The following KANSL1L variants were observed in gnomAD, a reference collection of about 807,000 sequenced individuals.
The protein encoded by KANSL1L is KAT8 regulatory NSL complex subunit 1-like protein.
A neutral mutation model predicts 108.6 loss-of-function variants in KANSL1L; 25 were observed. The observed-to-expected ratio is 0.23, with a 90% CI of 0.17 to 0.32. The LOEUF is 0.32. Among genes scored for constraint, KANSL1L ranks in the 10% least tolerant of loss-of-function variants. KANSL1L has a pLI of 1.00. For synonymous variants in KANSL1L, 405 were observed against 395.1 expected, an observed-to-expected ratio of 1.03 and a Z score of -0.30; for missense variants, 1,137 against 1,125.7, an observed-to-expected ratio of 1.01 and a Z score of -0.14.
chr2:210,149,207 T>C (rs142424089), intron 2 of KANSL1L, among the ~76,000 whole-genome samples: 356 of 152,264 alleles, frequency 2.3e-3, no homozygotes, highest in African/African-American at 8.0e-3. Context: ...CTAGCCTCAA[T>C]GTTTATGTCT....
intron 14 of KANSL1L, 40 bp from the exon 15 acceptor site, chr2:210,023,219 T>A: frequency 7.0e-7 from 1 of 1,437,836 alleles, no homozygotes; most frequent in Non-Finnish European, 9.8e-7. Flanking sequence ...TCAACTAACT[T>A]GTTTTGTTTA....
At chr2:210,132,220 G>A (rs1007402172) in intron 2 of KANSL1L, among the ~76,000 whole-genome samples, 1 of 152,144 alleles carries the variant, frequency 6.6e-6, no homozygotes, top group Non-Finnish European at 1.5e-5. Context: ...AACATTTTAT[G>A]TAAACAACTT....
chr2:210,036,687 A>T (rs1406574281), intron 8 of KANSL1L, among the ~76,000 whole-genome samples: 1 of 152,226 alleles, frequency 6.6e-6, no homozygotes, highest in Admixed American at 6.5e-5. Context: ...TAAGACAGAT[A>T]TATAGGATGA....
chr2:210,138,357 A>G (rs1293521970), intron 2 of KANSL1L, among the ~76,000 whole-genome samples: 1 of 152,070 alleles, frequency 6.6e-6, no homozygotes, highest in African/African-American at 2.4e-5. Context: ...AAAGCTAACT[A>G]TTGTATATTA....
intron 2 of KANSL1L, among the ~76,000 whole-genome samples, chr2:210,143,194 C>G (rs1559598030): frequency 6.6e-6 from 1 of 151,894 alleles, no homozygotes; most frequent in Non-Finnish European, 1.5e-5. Flanking sequence ...TATATACTTA[C>G]CTTTTTGTCT....
chr2:210,039,625 C>G (rs2094143308), intron 8 of KANSL1L, among the ~76,000 whole-genome samples: 1 of 151,554 alleles, frequency 6.6e-6, no homozygotes, highest in Non-Finnish European at 1.5e-5. Context: ...ATGTTGTTTT[C>G]TTTCTTCTTC....
chr2:210,157,691 GAAAAAAAAAAAAAA>G (rs56676129), intron 1 of KANSL1L, among the ~76,000 whole-genome samples: 12,569 of 47,300 alleles, frequency 0.27, 770 homozygotes, highest in Middle Eastern at 0.4. Flanking sequence ...CACTGTCACA[GAAAAAAAAAAAAAA>G]AAAAAAAAAA....
rs567003182 is a variant in KANSL1L at position 210,154,203 on chromosome 2, G to A, written c.380C>T (p.Ser127Phe). 5.6e-6 allele frequency: 9 copies of A among 1,614,022 alleles called. No homozygotes were observed. The African/African-American group carries it at 1.1e-4, about 19-fold the overall frequency. The change falls in exon 2 of 15, where the codon TCT becomes TTT. Residue 127 changes from serine (S) to phenylalanine (F), a missense_variant. Physicochemically the swap from Ser to Phe is radical, Grantham distance 155. Around this residue, in one of 3 missense-constraint regions of KANSL1L, gnomAD observed 556 missense variants for 537.7 expected, o/e 1.03. Transcript: ENST00000281772. ...CTTTTTGATGAACTCTTCAGAATGA[G>A]AAAGACAGATTTTACTGAGCTGAAT... ...SNIQLSKICL[S>F]HSEEFIKKEP...
chr2:210,110,170 C>T (rs2094890440), intron 3 of KANSL1L, among the ~76,000 whole-genome samples: 1 of 152,162 alleles, frequency 6.6e-6, no homozygotes, highest in South Asian at 2.1e-4. Flanking sequence ...TTCTCCCGTT[C>T]CTCTTTCTCT....
At chr2:210,086,708 TAA>T (rs945994965) in intron 5 of KANSL1L, among the ~76,000 whole-genome samples, 6 of 152,016 alleles carry the variant, frequency 3.9e-5, no homozygotes, top group Non-Finnish European at 5.9e-5. Flanking sequence ...CTTAAATACT[TAA>T]GAGAATTATA....
At chr2:210,054,390 G>A (rs1437883403) in intron 6 of KANSL1L, among the ~76,000 whole-genome samples, 8 of 150,912 alleles carry the variant, frequency 5.3e-5, no homozygotes, top group Admixed American at 5.3e-4. Context: ...TGGCAAAAAA[G>A]CCCAAAATTT....
intron 5 of KANSL1L, among the ~76,000 whole-genome samples, chr2:210,084,577 A>T (rs1397188443): frequency 2.6e-5 from 4 of 152,216 alleles, no homozygotes; most frequent in Non-Finnish European, 5.9e-5. Flanking sequence ...AAAAGATGGC[A>T]AGAAAATATA....
intron 1 of KANSL1L, among the ~76,000 whole-genome samples, chr2:210,156,469 C>T (rs919620281): frequency 6.6e-6 from 1 of 151,886 alleles, no homozygotes; most frequent in Non-Finnish European, 1.5e-5. Flanking sequence ...TGATGGAATA[C>T]TATATTGCCA....
chr2:210,076,082 T>C (rs1233250769), intron 5 of KANSL1L, among the ~76,000 whole-genome samples: 1 of 152,230 alleles, frequency 6.6e-6, no homozygotes, highest in Non-Finnish European at 1.5e-5. Context: ...TTTAACTATT[T>C]ACACAAAATT....
chr2:210,086,311 T>C (rs16844116), intron 5 of KANSL1L, among the ~76,000 whole-genome samples: 28 of 152,052 alleles, frequency 1.8e-4, no homozygotes, highest in Non-Finnish European at 3.5e-4. Flanking sequence ...TAATACCCCA[T>C]GGGATAAACA....
chr2:210,127,204 A>G (rs2095074080), intron 3 of KANSL1L, among the ~76,000 whole-genome samples: 1 of 152,202 alleles, frequency 6.6e-6, no homozygotes, highest in Non-Finnish European at 1.5e-5. Flanking sequence ...TTCAATGGAA[A>G]AACAGTCTTT....
intron 6 of KANSL1L, among the ~76,000 whole-genome samples, chr2:210,055,472 C>A (rs1478938792): frequency 6.6e-6 from 1 of 152,096 alleles, no homozygotes; most frequent in African/African-American, 2.4e-5. Context: ...CAGAAGAGAA[C>A]AGAAAAATAT....
intron 8 of KANSL1L, among the ~76,000 whole-genome samples, chr2:210,033,091 A>G (rs1463413881): frequency 6.6e-6 from 1 of 152,190 alleles, no homozygotes; most frequent in African/African-American, 2.4e-5. Flanking sequence ...ATATGGAGGG[A>G]AAAAGACCGC....
intron 2 of KANSL1L, among the ~76,000 whole-genome samples, chr2:210,142,321 T>C (rs1346120844): frequency 2.0e-5 from 3 of 152,116 alleles, no homozygotes; most frequent in Non-Finnish European, 4.4e-5. Context: ...TGATCCATTA[T>C]ATTTCTGTGG....
Sources: gnomAD v4.1 joint callset for allele counts (sites outside exome capture counted in the v4.1 genomes callset) on GRCh38, gnomAD v4.1.1 for gene constraint, gnomAD v4.1.1 regional missense constraint, MANE v1.5 for transcripts, NCBI Gene and HGNC (gene_info 2026-07-23, HGNC 2026-07-21) for gene names.